Variants in KCNIP4 observed in about 807,000 individuals in gnomAD.
The protein encoded by KCNIP4 is potassium voltage-gated channel interacting protein 4, also known as Kv channel-interacting protein 4.
KCNIP4 carries 12 observed loss-of-function variants against 34.0 expected under a neutral mutation model. The ratio of observed to expected loss-of-function variants is 0.35; its 90% CI spans 0.23 to 0.57. The LOEUF (loss-of-function observed/expected upper bound fraction) is 0.57, where lower values mean the gene tolerates loss of function less well. Among genes scored for constraint, KCNIP4 ranks in the 20% least tolerant of loss-of-function variants. The pLI is 0.83. For missense variants in KCNIP4, 238 were observed against 311.7 expected, an observed-to-expected ratio of 0.76 and a Z score of 1.78; for synonymous variants, 124 against 102.2, an observed-to-expected ratio of 1.21 and a Z score of -1.29.
At chr4:21,842,582 G>A (rs1723751857) in intron 1 of KCNIP4, among the ~76,000 whole-genome samples, 2 of 151,912 alleles carry the variant, frequency 1.3e-5, no homozygotes, top group African/African-American at 4.8e-5. Context: ...CGCATTTTAT[G>A]TACAAATATT....
intron 1 of KCNIP4, among the ~76,000 whole-genome samples, chr4:21,225,100 C>T (rs550314433): frequency 1.3e-5 from 2 of 152,108 alleles, no homozygotes; most frequent in African/African-American, 4.8e-5. Context: ...GCATTAAATG[C>T]ATTTTTGACT....
chr4:20,930,120 A>C (rs1198599785), intron 1 of KCNIP4, among the ~76,000 whole-genome samples: 1 of 152,048 alleles, frequency 6.6e-6, no homozygotes, highest in East Asian at 1.9e-4. Flanking sequence ...TCCTAAGTTA[A>C]AATTATATTG....
intron 3 of KCNIP4, among the ~76,000 whole-genome samples, chr4:20,821,665 A>G (rs1438446022): frequency 1.3e-5 from 2 of 151,662 alleles, no homozygotes; most frequent in East Asian, 3.9e-4. Flanking sequence ...CCCAAAGTCC[A>G]TTGTATCACT....
Position 21,370,806 on chromosome 4 carries a change from T to A in KCNIP4, c.62-488097A>T, listed in dbSNP as rs1325056311. On this transcript the variant is annotated intron_variant, in intron 1 of 8. Coordinates refer to ENST00000382152, the MANE Select transcript of KCNIP4 (RefSeq NM_025221.6). The stretch of plus-strand genomic sequence containing the variant: ...ACAGGAGGTCATGGATTGAAATATA[T>A]ATATATATATATATATATATATATA... Among the ~76,000 whole-genome samples, 19 of 3,952 alleles carry A rather than the reference T, an allele frequency of 4.8e-3. 1 individual carries two copies. The highest frequency in any genetic ancestry group is 0.016 in the South Asian group (2 of 128). 2.6% of individuals were successfully genotyped at this position (3,952 alleles called of 152,430 possible).
At chr4:21,877,482 TAGTA>T (rs1726193999) in intron 1 of KCNIP4, among the ~76,000 whole-genome samples, 1 of 152,230 alleles carries the variant, frequency 6.6e-6, no homozygotes, top group Admixed American at 6.5e-5. Flanking sequence ...AGAGGGCATA[TAGTA>T]AGTATTACTC....
intron 1 of KCNIP4, among the ~76,000 whole-genome samples, chr4:21,733,070 T>C (rs1402909896): frequency 1.3e-5 from 2 of 152,182 alleles, no homozygotes; most frequent in Non-Finnish European, 2.9e-5. Context: ...AGTACGAATC[T>C]CAACGCTGAG....
chr4:21,048,944 CTTT>C (rs949548104), intron 1 of KCNIP4, among the ~76,000 whole-genome samples: 1 of 96,044 alleles, frequency 1.0e-5, no homozygotes, highest in Non-Finnish European at 2.0e-5. Flanking sequence ...TTCTGTTTAT[CTTT>C]TTTTTTTTTT....
chr4:21,364,758 G>A (rs967568811), intron 1 of KCNIP4, among the ~76,000 whole-genome samples: 5 of 152,100 alleles, frequency 3.3e-5, no homozygotes, highest in Admixed American at 3.3e-4. Flanking sequence ...ATTAACTGTA[G>A]TGAAAGATAA....
At chr4:21,862,580 G>A (rs1024542053) in intron 1 of KCNIP4, among the ~76,000 whole-genome samples, 4 of 152,190 alleles carry the variant, frequency 2.6e-5, no homozygotes, top group Admixed American at 6.5e-5. Flanking sequence ...CATCGAGAAA[G>A]TGACATTTAA....
intron 1 of KCNIP4, among the ~76,000 whole-genome samples, chr4:21,105,654 G>A (rs570805661): frequency 6.6e-6 from 1 of 151,750 alleles, no homozygotes; most frequent in Admixed American, 6.5e-5. Context: ...TGGTGGGAGA[G>A]GGTATCCCTG....
chr4:21,552,547 T>C (rs1313795238), intron 1 of KCNIP4, among the ~76,000 whole-genome samples: 1 of 152,134 alleles, frequency 6.6e-6, no homozygotes, highest in Admixed American at 6.6e-5. Flanking sequence ...GCATAATAAA[T>C]CCCTACTCTG....
chr4:21,154,972 G>T (rs967005415), intron 1 of KCNIP4, among the ~76,000 whole-genome samples: 3 of 152,092 alleles, frequency 2.0e-5, no homozygotes, highest in Admixed American at 6.6e-5. Flanking sequence ...GCCCACACTT[G>T]CTCTCTTTCA....
In KCNIP4 at chr4:21,170,019, G is replaced by A. The variant is rs536358340; in HGVS notation, c.62-287310C>T. 1.0e-3 allele frequency among the ~76,000 whole-genome samples: 158 copies of A among 152,186 alleles called. 1 individual carries two copies. The highest frequency in any genetic ancestry group is 1.9e-3 in the Non-Finnish European group (130 of 68,010). ...TAAACTTCTGTCTATCAGAGCCTTA[G>A]TAAATAGAAGTTCAAAAAGCAGAGT... On this transcript the variant is annotated intron_variant, in intron 1 of 8. Transcript: ENST00000382152.
chr4:21,563,368 G>A (rs1165100319), intron 1 of KCNIP4, among the ~76,000 whole-genome samples: 4 of 152,078 alleles, frequency 2.6e-5, no homozygotes, highest in African/African-American at 9.7e-5. Context: ...CATAAAGTCT[G>A]TTAACTCCTT....
chr4:20,858,082 G>A (rs546986650), intron 2 of KCNIP4, among the ~76,000 whole-genome samples: 6 of 151,622 alleles, frequency 4.0e-5, no homozygotes, highest in African/African-American at 7.3e-5. Context: ...GTTGTGGTGG[G>A]TGCCTGTAAT....
At chr4:21,206,947 A>T (rs1286231159) in intron 1 of KCNIP4, among the ~76,000 whole-genome samples, 1 of 152,162 alleles carries the variant, frequency 6.6e-6, no homozygotes, top group Non-Finnish European at 1.5e-5. Context: ...GAGTGTACTC[A>T]TTGTCGCTTT....
chr4:21,218,558 C>T (rs980357670), intron 1 of KCNIP4, among the ~76,000 whole-genome samples: 37 of 152,060 alleles, frequency 2.4e-4, no homozygotes, highest in African/African-American at 8.5e-4. Flanking sequence ...GTTTTTATAT[C>T]CCTAATGTAA....
At chr4:20,891,856 C>T (rs921081163) in intron 1 of KCNIP4, among the ~76,000 whole-genome samples, 3 of 152,114 alleles carry the variant, frequency 2.0e-5, no homozygotes, top group African/African-American at 7.2e-5. Context: ...TACTATGATG[C>T]CTATTTTTAA....
At chr4:21,222,058 AAT>A (rs1347108992) in intron 1 of KCNIP4, among the ~76,000 whole-genome samples, 1 of 152,180 alleles carries the variant, frequency 6.6e-6, no homozygotes, top group Non-Finnish European at 1.5e-5. Context: ...GTCAGTTCTA[AAT>A]ATAGACAGGA....
Sources: gnomAD v4.1 joint callset for allele counts (sites outside exome capture counted in the v4.1 genomes callset) on GRCh38, gnomAD v4.1.1 for gene constraint, MANE v1.5 for transcripts, NCBI Gene and HGNC (gene_info 2026-07-23, HGNC 2026-07-21) for gene names.